Variants in ACOT1 observed in about 807,000 individuals in gnomAD.
The protein encoded by ACOT1 is acyl-coenzyme A thioesterase 1.
ACOT1 carries 8 observed loss-of-function variants against 15.7 expected under a neutral mutation model. The ratio of observed to expected loss-of-function variants is 0.51; its 90% CI spans 0.30 to 0.92. ACOT1 has a LOEUF of 0.92. Among genes scored for constraint, ACOT1 ranks in the 40% least tolerant of loss-of-function variants. The pLI is 0.06. For synonymous variants in ACOT1, 67 were observed against 241.2 expected, an observed-to-expected ratio of 0.28 and a Z score of 6.69; for missense variants, 151 against 539.4, an observed-to-expected ratio of 0.28 and a Z score of 7.13.
rs1407405159 is a variant in ACOT1 at position 73,537,888 on chromosome 14, C to G, written c.457+10C>G. ...CTCTTCCTGCCGCCAGGTGACTCACCTCCGCTAATTGTTCCCCTCTGCCCA... is the reference window on the plus strand; with the variant it reads ...CTCTTCCTGCCGCCAGGTGACTCACGTCCGCTAATTGTTCCCCTCTGCCCA... On this transcript the variant is annotated intron_variant, in intron 1 of 2. Coordinates refer to ENST00000311148, the MANE Select transcript of ACOT1 (RefSeq NM_001037161.2). 2 of 1,188,750 alleles carry G rather than the reference C, an allele frequency of 1.7e-6. 1 individual carries two copies. The highest frequency in any genetic ancestry group is 3.2e-5 in the African/African-American group (2 of 62,250). The allele number at this position is 1,188,750 out of a possible 1,614,324, so 73.6% of individuals were successfully genotyped here. A position where few individuals can be genotyped will look rare whatever the true frequency, so the allele number is the denominator to read the frequency against.
the ACOT1 span, among the ~76,000 whole-genome samples, chr14:73,528,070 G>T: frequency 6.7e-6 from 1 of 149,190 alleles, no homozygotes; most frequent in African/African-American, 2.5e-5. Context: ...ATCCCAGAAA[G>T]AATACCATAT....
chr14:73,526,809 A>C, the ACOT1 span, among the ~76,000 whole-genome samples: 1 of 152,210 alleles, frequency 6.6e-6, no homozygotes. Context: ...TTCTGGCCAC[A>C]GGCCTTGGGC....
the ACOT1 span, chr14:73,500,737 G>A: frequency 3.2e-5 from 51 of 1,610,096 alleles, no homozygotes; most frequent in East Asian, 1.1e-3. Context: ...GACCCTGTAA[G>A]GCACAAGTTG....
the ACOT1 span, among the ~76,000 whole-genome samples, chr14:73,494,257 GTT>G: frequency 6.6e-6 from 1 of 152,206 alleles, no homozygotes; most frequent in African/African-American, 2.4e-5. Context: ...GAAGACCTGG[GTT>G]TGGGGTGGTA....
chr14:73,535,462 C>CT (rs374219358), upstream of ACOT1, among the ~76,000 whole-genome samples: 1 of 59,332 alleles, frequency 1.7e-5, no homozygotes. Context: ...TTTTCTTTTT[C>CT]TTCTTTCTTT....
At chr14:73,531,420 C>T in the ACOT1 span, among the ~76,000 whole-genome samples, 3 of 106,120 alleles carry the variant, frequency 2.8e-5, no homozygotes, top group African/African-American at 6.1e-5. Context: ...TGGAGTTTTT[C>T]GTCTTTTTTT....
At chr14:73,509,361 CTG>C in the ACOT1 span, 1 of 1,614,098 alleles carries the variant, frequency 6.2e-7, no homozygotes, top group South Asian at 1.1e-5. Context: ...GATTATGTGA[CTG>C]TATGGCATAT....
rs34070206 is a variant in ACOT1, at chr14:73,542,165, A to AT, written c.660+482dup. ...CCACTATGCCTAGCCTAATTTTTGT[A>AT]TTTTTTTTTTTTAGTAGAGATGGGG... On this transcript the variant is annotated intron_variant, in intron 2 of 2. Coordinates refer to ENST00000311148, the MANE Select transcript of ACOT1 (RefSeq NM_001037161.2). Among the ~76,000 whole-genome samples the AT allele has an allele frequency of 8.9e-4, 87 of 97,952 alleles. 9 individuals are homozygous for AT. The highest frequency in any genetic ancestry group is 2.0e-3 in the African/African-American group (58 of 29,474). The allele number at this position is 97,952 out of a possible 152,430, so 64.3% of individuals were successfully genotyped here. A position where few individuals can be genotyped will look rare whatever the true frequency, so the allele number is the denominator to read the frequency against.
the ACOT1 span, chr14:73,512,179 A>G: frequency 6.2e-7 from 1 of 1,613,104 alleles, no homozygotes; most frequent in Non-Finnish European, 8.5e-7. Flanking sequence ...ATGAAAAGAG[A>G]ACCACCTGGT....
intron 1 of ACOT1, 57 bp downstream of exon 1, chr14:73,537,935 C>G (rs1301139876): frequency 1.8e-6 from 2 of 1,094,598 alleles, no homozygotes; most frequent in African/African-American, 1.8e-5. Flanking sequence ...GCGCTTTCCA[C>G]TGTGTGTGTG....
the ACOT1 span, among the ~76,000 whole-genome samples, chr14:73,517,861 G>A: frequency 1.3e-5 from 2 of 152,014 alleles, no homozygotes; most frequent in African/African-American, 4.8e-5. Flanking sequence ...GGCCGAGGTG[G>A]ACAGATCACG....
chr14:73,524,936 G>A, the ACOT1 span, among the ~76,000 whole-genome samples: 3 of 152,054 alleles, frequency 2.0e-5, no homozygotes, highest in East Asian at 5.8e-4. Context: ...TCTCCCTAGG[G>A]CATGATTTCT....
At chr14:73,495,429 C>T in the ACOT1 span, 1 of 1,524,580 alleles carries the variant, frequency 6.6e-7, no homozygotes, top group African/African-American at 1.4e-5. Context: ...AAACAAAACA[C>T]CTGTACTAGG....
Position 73,537,391 on chromosome 14 carries a change from G to A in ACOT1, c.-31G>A. On this transcript the variant is annotated 5_prime_UTR_variant, in exon 1 of 3. Transcript: ENST00000311148. ...TGCAGGGGTCTCCACAGCTGAGGCAGTTTGGCCGGATTATTTGGGTTCCTG... is the reference window on the plus strand; with the variant it reads ...TGCAGGGGTCTCCACAGCTGAGGCAATTTGGCCGGATTATTTGGGTTCCTG... 2 of 1,234,264 alleles carry A rather than the reference G, an allele frequency of 1.6e-6. 1 individual carries two copies. The highest frequency in any genetic ancestry group is 2.1e-6 in the Non-Finnish European group (2 of 931,216). 76.5% of individuals were successfully genotyped at this position (1,234,264 alleles called of 1,614,324 possible).
At chr14:73,537,128 G>A (rs1437349235), upstream of ACOT1, 9 of 310,874 alleles carry the variant, frequency 2.9e-5, 3 homozygotes, top group Non-Finnish European at 5.0e-5. Context: ...GGACGAACCA[G>A]TCCTGGCCCA....
the ACOT1 span, chr14:73,490,976 G>C: frequency 5.3e-6 from 7 of 1,316,458 alleles, no homozygotes; most frequent in African/African-American, 4.6e-5. Context: ...CTTTAGCTTC[G>C]CCCCCGGCCG....
chr14:73,498,015 G>T, the ACOT1 span: 1 of 695,522 alleles, frequency 1.4e-6, no homozygotes, highest in Non-Finnish European at 2.4e-6. Context: ...TTACCTACTT[G>T]GGTGAGTGGT....
chr14:73,495,674 G>A, the ACOT1 span, among the ~76,000 whole-genome samples: 14 of 152,174 alleles, frequency 9.2e-5, no homozygotes, highest in African/African-American at 3.1e-4. Context: ...GATATTGGTT[G>A]GAGATTTTTT....
the ACOT1 span, among the ~76,000 whole-genome samples, chr14:73,521,750 A>T: frequency 9.2e-5 from 14 of 152,258 alleles, no homozygotes; most frequent in Admixed American, 9.2e-4. Flanking sequence ...TCAGTGACAC[A>T]CTGGTTCCTT....
Sources: gnomAD v4.1 joint callset for allele counts (sites outside exome capture counted in the v4.1 genomes callset) on GRCh38, gnomAD v4.1.1 for gene constraint, MANE v1.5 for transcripts, NCBI Gene and HGNC (gene_info 2026-07-23, HGNC 2026-07-21) for gene names.